LMCD1: variants seen among roughly 807,000 people sequenced by gnomAD.
The protein encoded by LMCD1 is LIM and cysteine rich domains 1.
A neutral mutation model predicts 42.7 loss-of-function variants in LMCD1; 32 were observed. The observed-to-expected ratio is 0.75, with a 90% CI of 0.57 to 1.01. The LOEUF is 1.01. Among genes scored for constraint, LMCD1 ranks in the 50% least tolerant of loss-of-function variants. The probability of loss-of-function intolerance (pLI) is 0.00; values close to 1 mark genes in which losing one functional copy is unlikely to be tolerated. For synonymous variants in LMCD1, 178 were observed against 184.9 expected, an observed-to-expected ratio of 0.96 and a Z score of 0.30; for missense variants, 458 against 483.1, an observed-to-expected ratio of 0.95 and a Z score of 0.49.
intron 1 of LMCD1, among the ~76,000 whole-genome samples, chr3:8,523,083 T>G (rs913104089): frequency 6.6e-6 from 1 of 152,236 alleles, no homozygotes; most frequent in Non-Finnish European, 1.5e-5. Context: ...TGTGTTCTCA[T>G]TCTGTTGCTT....
At position 8,550,614 on chromosome 3, in the gene LMCD1, C is replaced by A. The variant is rs1694823611; in HGVS notation, c.723+1711C>A. On this transcript the variant is annotated intron_variant, in intron 4 of 5. Coordinates refer to ENST00000157600, the MANE Select transcript of LMCD1 (RefSeq NM_014583.4). ...CAAAGAACAAGATTTATTTCCTCTACTACAGATTTGGCAGTGACGCATAAA... is the reference window on the plus strand; with the variant it reads ...CAAAGAACAAGATTTATTTCCTCTAATACAGATTTGGCAGTGACGCATAAA... The A allele has an allele frequency of 4.1e-6, 4 of 985,156 alleles. No homozygotes were observed. In the South Asian group the frequency reaches 1.9e-4, roughly 46 times the overall value. 61.0% of individuals were successfully genotyped at this position (985,156 alleles called of 1,614,324 possible). A position where few individuals can be genotyped will look rare whatever the true frequency, so the allele number is the denominator to read the frequency against.
chr3:8,554,968 C>A (rs1694905104), intron 4 of LMCD1, among the ~76,000 whole-genome samples: 1 of 152,140 alleles, frequency 6.6e-6, no homozygotes, highest in Non-Finnish European at 1.5e-5. Flanking sequence ...TGCCCCTTCC[C>A]CAACCACTCC....
intron 2 of LMCD1, among the ~76,000 whole-genome samples, chr3:8,535,356 TCCCTGCAGCA>T (rs1313113379): frequency 6.6e-6 from 1 of 152,210 alleles, no homozygotes; most frequent in Non-Finnish European, 1.5e-5. Context: ...TCTCATTTAT[TCCCTGCAGCA>T]CCCTGAGGGT....
intron 1 of LMCD1, among the ~76,000 whole-genome samples, chr3:8,512,273 A>C (rs975072409): frequency 6.6e-6 from 1 of 152,236 alleles, no homozygotes; most frequent in Non-Finnish European, 1.5e-5. Context: ...AATTTCTTTC[A>C]CACAGTTCTT....
intron 1 of LMCD1, among the ~76,000 whole-genome samples, chr3:8,530,799 A>C (rs1426158800): frequency 6.6e-6 from 1 of 152,242 alleles, no homozygotes; most frequent in African/African-American, 2.4e-5. Context: ...TAGGGAGCAA[A>C]GTCCTACCTG....
intron 1 of LMCD1, among the ~76,000 whole-genome samples, chr3:8,528,445 C>A (rs1317751802): frequency 6.6e-6 from 1 of 152,162 alleles, no homozygotes; most frequent in African/African-American, 2.4e-5. Context: ...ATCCCCCTGC[C>A]TCAGCCTCCC....
chr3:8,554,912 C>T (rs569045766), intron 4 of LMCD1, among the ~76,000 whole-genome samples: 2 of 152,272 alleles, frequency 1.3e-5, no homozygotes, highest in East Asian at 3.9e-4. Flanking sequence ...TTAATGTGAT[C>T]TCTACTCTTT....
chr3:8,519,584 T>A (rs1468608903), intron 1 of LMCD1, among the ~76,000 whole-genome samples: 1 of 152,172 alleles, frequency 6.6e-6, no homozygotes, highest in African/African-American at 2.4e-5. Context: ...CTCTGTAAGT[T>A]CCTTTTAGTC....
intron 1 of LMCD1, among the ~76,000 whole-genome samples, chr3:8,521,317 C>T (rs190420158): frequency 1.3e-5 from 2 of 152,324 alleles, no homozygotes; most frequent in African/African-American, 2.4e-5. Context: ...TGTGCCATCA[C>T]ACAGATCCAG....
At chr3:8,539,963 C>CGTGCTG (rs1337956221) in intron 3 of LMCD1, among the ~76,000 whole-genome samples, 2 of 151,834 alleles carry the variant, frequency 1.3e-5, no homozygotes, top group African/African-American at 2.4e-5. Context: ...CTAATGCTAT[C>CGTGCTG]CCTCCCCCAG....
intron 3 of LMCD1, among the ~76,000 whole-genome samples, chr3:8,546,106 C>T (rs1012974683): frequency 6.6e-6 from 1 of 152,030 alleles, no homozygotes; most frequent in Non-Finnish European, 1.5e-5. Context: ...GCACTCCAGC[C>T]TGGGTGACAG....
At chr3:8,513,142 T>C (rs1002778245) in intron 1 of LMCD1, among the ~76,000 whole-genome samples, 25 of 152,224 alleles carry the variant, frequency 1.6e-4, no homozygotes, top group Non-Finnish European at 2.8e-4. Flanking sequence ...CTTATTGGTT[T>C]TCTTTATTTC....
chr3:8,512,222 T>G (rs1017162941), intron 1 of LMCD1, among the ~76,000 whole-genome samples: 5 of 152,224 alleles, frequency 3.3e-5, no homozygotes, highest in Admixed American at 6.5e-5. Context: ...TTCTGAAATA[T>G]GGGACCTTGG....
In LMCD1 at chr3:8,548,806, A is replaced by G. The variant is rs1694786772; in HGVS notation, c.626A>G (p.Lys209Arg). The change falls in exon 4 of 6, where the codon AAG (lysine) becomes AGG (arginine). Residue 209 changes from lysine to arginine, a missense_variant. Physicochemically the swap from Lys to Arg is conservative, Grantham distance 26. Coordinates refer to ENST00000157600, the MANE Select transcript of LMCD1 (RefSeq NM_014583.4). ...CTCCCGGGGCAGGGTGGCTTGCCCA[A>G]GGAGGAGGGGAAGCAGCAGGAAAAG... ...VALPGQGGLP[K>R]EEGKQQEKPE... 13 of 1,607,796 alleles carry G rather than the reference A, an allele frequency of 8.1e-6. No homozygotes were observed. The highest frequency in any genetic ancestry group is 1.1e-5 in the South Asian group (1 of 90,722).
At chr3:8,529,562 A>G (rs965529573) in intron 1 of LMCD1, among the ~76,000 whole-genome samples, 18 of 152,218 alleles carry the variant, frequency 1.2e-4, no homozygotes, top group Admixed American at 3.3e-4. Flanking sequence ...TTGGTAGCAG[A>G]GCACCGCGAG....
intron 3 of LMCD1, among the ~76,000 whole-genome samples, chr3:8,547,073 C>A (rs992809700): frequency 6.6e-6 from 1 of 152,196 alleles, no homozygotes; most frequent in Non-Finnish European, 1.5e-5. Context: ...AATGTAGACT[C>A]CTTTTTCTTT....
chr3:8,545,098 C>T (rs149730398), intron 3 of LMCD1, among the ~76,000 whole-genome samples: 2 of 152,258 alleles, frequency 1.3e-5, no homozygotes, highest in Non-Finnish European at 2.9e-5. Flanking sequence ...TGACCTGAGA[C>T]CTTGTCGATT....
chr3:8,539,651 C>A (rs1405579617), intron 3 of LMCD1, among the ~76,000 whole-genome samples: 1 of 152,052 alleles, frequency 6.6e-6, no homozygotes. Flanking sequence ...TCAGGGGAAG[C>A]CATCGTCAGG....
In LMCD1 at chr3:8,568,215, T is replaced by C. The variant is rs1695160883; in HGVS notation, c.*617T>C. 6.6e-6 allele frequency: 1 copy of C among 152,226 alleles called. No individual in the cohort carries two copies. The highest frequency in any genetic ancestry group is 6.5e-5 in the Admixed American group (1 of 15,280). The allele number at this position is 152,226 out of a possible 1,614,324, so 9.4% of individuals were successfully genotyped here. ...AGTAAAATACTAATGAGCCTCTCTA[T>C]CAATGTATCTCATCAGACTTCCACT... On this transcript the variant is annotated 3_prime_UTR_variant, in exon 6 of 6. Transcript: ENST00000157600.
Sources: gnomAD v4.1 joint callset for allele counts (sites outside exome capture counted in the v4.1 genomes callset) on GRCh38, gnomAD v4.1.1 for gene constraint, MANE v1.5 for transcripts, NCBI Gene and HGNC (gene_info 2026-07-23, HGNC 2026-07-21) for gene names.